Variants in ME3 observed in about 807,000 individuals in gnomAD.
ME3 encodes the protein NADP-dependent malic enzyme, mitochondrial.
In ME3, 48 loss-of-function variants were observed where a neutral mutation model predicts 68.9. The ratio of observed to expected loss-of-function variants is 0.70; its 90% CI spans 0.55 to 0.89. ME3 has a LOEUF of 0.89. Among genes scored for constraint, ME3 ranks in the 40% least tolerant of loss-of-function variants. The pLI is 0.00. For missense variants in ME3, 675 were observed against 797.4 expected, an observed-to-expected ratio of 0.85 and a Z score of 1.85; for synonymous variants, 320 against 318.8, an observed-to-expected ratio of 1.00 and a Z score of -0.04.
chr11:86,595,306 T>TATATATATATATATATATATAGAG (rs371436753), intron 2 of ME3, among the ~76,000 whole-genome samples: 1 of 79,792 alleles, frequency 1.3e-5, no homozygotes, highest in African/African-American at 3.9e-5. Context: ...TATATATATA[T>TATATATATATATATATATATAGAG]AGAGAGAGAG....
At chr11:86,540,295 T>C (rs974710485) in intron 4 of ME3, among the ~76,000 whole-genome samples, 3 of 152,228 alleles carry the variant, frequency 2.0e-5, no homozygotes, top group Admixed American at 2.0e-4. Context: ...GTTGCGGTTC[T>C]ACTGTCCAGC....
Position 86,536,487 on chromosome 11 carries a change from A to G in ME3, c.467+20066T>C, listed in dbSNP as rs1955670038. 5.6e-5 allele frequency among the ~76,000 whole-genome samples: 7 copies of G among 125,466 alleles called. No homozygotes were observed. In the South Asian group the frequency reaches 2.1e-3, roughly 38 times the overall value. 82.3% of individuals were successfully genotyped at this position (125,466 alleles called of 152,430 possible). A position where few individuals can be genotyped will look rare whatever the true frequency, so the allele number is the denominator to read the frequency against. On this transcript the variant is annotated intron_variant, in intron 4 of 14. Transcript: ENST00000543262. ...AAAAGTGGGCGAAGGACATGAACAGACACTTCTCAAAAGAAGACATTTATG... is the reference window on the plus strand; with the variant it reads ...AAAAGTGGGCGAAGGACATGAACAGGCACTTCTCAAAAGAAGACATTTATG...
chr11:86,511,839 GTT>G (rs1405551516), intron 4 of ME3, among the ~76,000 whole-genome samples: 1 of 152,034 alleles, frequency 6.6e-6, no homozygotes, highest in Admixed American at 6.6e-5. Context: ...CTTTTGAGAT[GTT>G]TTTCAGATTT....
intron 4 of ME3, among the ~76,000 whole-genome samples, chr11:86,509,835 C>G (rs1281992137): frequency 1.3e-5 from 2 of 149,890 alleles, no homozygotes; most frequent in Non-Finnish European, 3.0e-5. Context: ...TTAGGAGAGA[C>G]AGAGTTGAGA....
intron 2 of ME3, among the ~76,000 whole-genome samples, chr11:86,620,449 A>G (rs914071844): frequency 2.6e-5 from 4 of 152,098 alleles, no homozygotes; most frequent in Non-Finnish European, 5.9e-5. Flanking sequence ...TTTAGGGTCT[A>G]CTCTTTTCTA....
chr11:86,522,393 A>G (rs72953614), intron 4 of ME3, among the ~76,000 whole-genome samples: 16,592 of 150,726 alleles, frequency 0.11, 955 homozygotes, highest in African/African-American at 0.14. Flanking sequence ...GTTCTAGGAT[A>G]TATGTGCAGA....
intron 6 of ME3, among the ~76,000 whole-genome samples, chr11:86,493,384 G>T: frequency 6.6e-6 from 1 of 152,134 alleles, no homozygotes; most frequent in East Asian, 1.9e-4. Context: ...GGCTCAGCAG[G>T]GTCATTTTAA....
chr11:86,607,641 TTTTG>T (rs1961898882), intron 2 of ME3, among the ~76,000 whole-genome samples: 1 of 151,162 alleles, frequency 6.6e-6, no homozygotes, highest in Non-Finnish European at 1.5e-5. Context: ...GATAGATGGT[TTTTG>T]TTGTTTTTTT....
chr11:86,579,287 T>A (rs1016846620), intron 2 of ME3, among the ~76,000 whole-genome samples: 4 of 152,200 alleles, frequency 2.6e-5, no homozygotes, highest in African/African-American at 9.6e-5. Context: ...GTGGTACATT[T>A]ACTAGAGCTC....
chr11:86,662,849 A>G (rs1489543821), intron 2 of ME3, among the ~76,000 whole-genome samples: 1 of 152,232 alleles, frequency 6.6e-6, no homozygotes, highest in East Asian at 1.9e-4. Context: ...CAGAGAAAGA[A>G]GAATGCAGAA....
intron 7 of ME3, among the ~76,000 whole-genome samples, chr11:86,475,874 T>TATATATATATATATATATAGAG: frequency 3.3e-5 from 3 of 91,472 alleles, no homozygotes; most frequent in African/African-American, 1.0e-4. Context: ...TATATATATA[T>TATATATATATATATATATAGAG]AGAGAGAGAG....
intron 2 of ME3, among the ~76,000 whole-genome samples, chr11:86,606,322 C>T (rs959329072): frequency 6.6e-6 from 1 of 152,188 alleles, no homozygotes; most frequent in Non-Finnish European, 1.5e-5. Context: ...CTTTGCCATA[C>T]TGTGCTGAGC....
At chr11:86,438,405 T>C (rs1468990902), downstream of ME3, among the ~76,000 whole-genome samples, 1 of 152,192 alleles carries the variant, frequency 6.6e-6, no homozygotes, top group East Asian at 1.9e-4. Context: ...TTAGGATTTT[T>C]TCATCTATAT....
At chr11:86,607,227 A>G (rs1253035769) in intron 2 of ME3, among the ~76,000 whole-genome samples, 1 of 152,154 alleles carries the variant, frequency 6.6e-6, no homozygotes, top group African/African-American at 2.4e-5. Context: ...CTAACTTGCA[A>G]ATGTGATGGT....
intron 8 of ME3, 44 bp from the exon 9 acceptor site, chr11:86,450,442 C>T (rs1285743761): frequency 6.5e-7 from 1 of 1,542,892 alleles, no homozygotes; most frequent in Non-Finnish European, 8.9e-7. Flanking sequence ...CACAGGCCGC[C>T]AGCTCCCAAG....
At chr11:86,651,853 A>G (rs60379752) in intron 2 of ME3, among the ~76,000 whole-genome samples, 10,965 of 152,234 alleles carry the variant, frequency 0.072, 462 homozygotes, top group East Asian at 0.14. Flanking sequence ...TTGAAAAAAG[A>G]TTAGACGAAT....
At chr11:86,641,043 G>A (rs541772308) in intron 2 of ME3, among the ~76,000 whole-genome samples, 3 of 151,156 alleles carry the variant, frequency 2.0e-5, no homozygotes, top group East Asian at 2.0e-4. Context: ...CACTGGGGGG[G>A]GGGGTCAATG....
rs749560894 is a variant in ME3 at position 86,487,484 on chromosome 11, C to T, written c.706-44G>A. ...ATTGACTGAGCCTACTCCCGGTGTTCCTGTTTTTTTTTTTTCCAACAAGTA... is the reference window on the plus strand; with the variant it reads ...ATTGACTGAGCCTACTCCCGGTGTTTCTGTTTTTTTTTTTTCCAACAAGTA... On this transcript the variant is annotated intron_variant, in intron 6 of 14. Transcript: ENST00000543262. 7.3e-6 allele frequency: 11 copies of T among 1,513,888 alleles called. No individual in the cohort carries two copies. In the East Asian group the frequency reaches 2.3e-4, roughly 31 times the overall value. The allele number at this position is 1,513,888 out of a possible 1,614,324, so 93.8% of individuals were successfully genotyped here.
At position 86,522,957 on chromosome 11, in the gene ME3, TC is replaced by T. The variant is rs1472746321; in HGVS notation, c.468-14091del. ...ATTTGAGCATCCATGGATTTTGGTA[TC>T]CGGGGGGAAGGGGGTCTGGGAGGTT... On this transcript the variant is annotated intron_variant, in intron 4 of 14. Transcript: ENST00000543262. Among the ~76,000 whole-genome samples, 15 of 152,288 alleles carry T rather than the reference TC, an allele frequency of 9.8e-5. No homozygotes were observed. In the East Asian group the frequency reaches 2.1e-3, roughly 22 times the overall value.
Sources: gnomAD v4.1 joint callset for allele counts (sites outside exome capture counted in the v4.1 genomes callset) on GRCh38, gnomAD v4.1.1 for gene constraint, MANE v1.5 for transcripts, NCBI Gene and HGNC (gene_info 2026-07-23, HGNC 2026-07-21) for gene names.